ENOX1: variants seen among roughly 807,000 people sequenced by gnomAD.
ENOX1 encodes candidate growth-related and time keeping constitutive hydroquinone (NADH) oxidase.
A neutral mutation model predicts 82.5 loss-of-function variants in ENOX1; 42 were observed. The observed-to-expected ratio is 0.51, with a 90% CI of 0.40 to 0.66. The LOEUF is 0.66. Ranked by LOEUF, ENOX1 falls within the 30% of genes least tolerant of loss-of-function variation. The pLI, the probability that ENOX1 is intolerant of heterozygous loss-of-function variation, is 0.00. For synonymous variants in ENOX1, 271 were observed against 282.2 expected, an observed-to-expected ratio of 0.96 and a Z score of 0.40; for missense variants, 608 against 811.6, an observed-to-expected ratio of 0.75 and a Z score of 3.05.
intron 2 of ENOX1, among the ~76,000 whole-genome samples, chr13:43,496,615 C>T (rs190792239): frequency 3.0e-4 from 45 of 152,230 alleles, no homozygotes; most frequent in Admixed American, 2.6e-3. Context: ...CTCCTAGGCT[C>T]AAGCAGTTCT....
intron 1 of ENOX1, among the ~76,000 whole-genome samples, chr13:43,780,599 TTC>T (rs1952202344): frequency 6.6e-6 from 1 of 152,200 alleles, no homozygotes; most frequent in South Asian, 2.1e-4. Flanking sequence ...TATCCTGTGA[TTC>T]TGTCAGGGTT....
At chr13:43,581,930 T>C (rs1044463378) in intron 2 of ENOX1, among the ~76,000 whole-genome samples, 2 of 152,176 alleles carry the variant, frequency 1.3e-5, no homozygotes, top group Admixed American at 1.3e-4. Context: ...CTAACTAAAA[T>C]GGTAAATCAT....
chr13:43,630,495 T>C (rs1157696044), intron 2 of ENOX1, among the ~76,000 whole-genome samples: 2 of 152,130 alleles, frequency 1.3e-5, no homozygotes, highest in Admixed American at 1.3e-4. Context: ...TTGCCATTAA[T>C]ACACAGTCCC....
chr13:43,746,007 G>A (rs1012061642), intron 1 of ENOX1, among the ~76,000 whole-genome samples: 2 of 152,108 alleles, frequency 1.3e-5, no homozygotes, highest in Admixed American at 1.3e-4. Flanking sequence ...TTAGCAGCAT[G>A]AGAATGGACT....
At chr13:43,467,348 G>C (rs903676781) in intron 3 of ENOX1, among the ~76,000 whole-genome samples, 2 of 152,114 alleles carry the variant, frequency 1.3e-5, no homozygotes, top group African/African-American at 4.8e-5. Context: ...AAAAATGATA[G>C]ACTATAGTAA....
chr13:43,455,794 G>A (rs1430254479), intron 3 of ENOX1, among the ~76,000 whole-genome samples: 4 of 151,892 alleles, frequency 2.6e-5, no homozygotes, highest in East Asian at 1.9e-4. Flanking sequence ...GAGATCTGAC[G>A]GTTTTATAAG....
chr13:43,686,847 C>T (rs969106780), intron 1 of ENOX1, among the ~76,000 whole-genome samples: 1 of 140,352 alleles, frequency 7.1e-6, no homozygotes, highest in African/African-American at 2.7e-5. Context: ...CATGAATTAT[C>T]CTATCTGCCA....
rs1267776787 is a variant in ENOX1 at position 43,213,260 on chromosome 13, T to C, written c.*730A>G. Among the ~76,000 whole-genome samples, 36 of 152,158 alleles carry C rather than the reference T, an allele frequency of 2.4e-4. No individual in the cohort carries two copies. On this transcript the variant is annotated 3_prime_UTR_variant, in exon 17 of 17. Transcript: ENST00000690772. Reference sequence around the variant, plus strand: ...CATACCAAGTACAAGACAATAACACTAGTTTTTCCTTTATTTACACTTTAT... The same window carrying C: ...CATACCAAGTACAAGACAATAACACCAGTTTTTCCTTTATTTACACTTTAT...
At chr13:43,322,727 C>T (rs2047888399) in intron 10 of ENOX1, among the ~76,000 whole-genome samples, 2 of 152,162 alleles carry the variant, frequency 1.3e-5, no homozygotes, top group African/African-American at 4.8e-5. Context: ...GGCTCTTTAG[C>T]AAATAATTTA....
chr13:43,613,888 C>A (rs1328036893), intron 2 of ENOX1, among the ~76,000 whole-genome samples: 1 of 152,028 alleles, frequency 6.6e-6, no homozygotes, highest in Non-Finnish European at 1.5e-5. Flanking sequence ...CCGCCGAGAT[C>A]ATGCCACTGC....
chr13:43,694,567 T>C (rs1270581313), intron 1 of ENOX1, among the ~76,000 whole-genome samples: 1 of 152,186 alleles, frequency 6.6e-6, no homozygotes, highest in African/African-American at 2.4e-5. Flanking sequence ...AGTAAATGAG[T>C]GAGTCGTATG....
At chr13:43,290,207 A>G (rs944107427) in intron 12 of ENOX1, among the ~76,000 whole-genome samples, 1 of 152,230 alleles carries the variant, frequency 6.6e-6, no homozygotes, top group African/African-American at 2.4e-5. Flanking sequence ...CATTCGACCC[A>G]GCAAGGCCAT....
intron 1 of ENOX1, among the ~76,000 whole-genome samples, chr13:43,699,511 A>G (rs917866367): frequency 5.9e-5 from 9 of 152,214 alleles, no homozygotes; most frequent in African/African-American, 1.9e-4. Context: ...GAAAGATAAG[A>G]TATTAAACCA....
chr13:43,538,826 C>A (rs898204155), intron 2 of ENOX1, among the ~76,000 whole-genome samples: 1 of 23,256 alleles, frequency 4.3e-5, no homozygotes, highest in Non-Finnish European at 9.0e-5. Context: ...GCCTTTCCTC[C>A]CCGCCCCTGC....
intron 3 of ENOX1, among the ~76,000 whole-genome samples, chr13:43,478,233 G>C (rs61959518): frequency 6.6e-6 from 1 of 151,732 alleles, no homozygotes; most frequent in Non-Finnish European, 1.5e-5. Flanking sequence ...AACAGACTCC[G>C]TGCATGAGGA....
intron 1 of ENOX1, among the ~76,000 whole-genome samples, chr13:43,753,162 A>G (rs757680211): frequency 6.6e-6 from 1 of 152,070 alleles, no homozygotes; most frequent in Non-Finnish European, 1.5e-5. Context: ...GCCCGGCCTC[A>G]TTGCACTTCT....
chr13:43,414,246 T>C (rs1334256949), intron 3 of ENOX1, among the ~76,000 whole-genome samples: 1 of 152,068 alleles, frequency 6.6e-6, no homozygotes, highest in African/African-American at 2.4e-5. Context: ...AATGAGCAAA[T>C]AGTTTTTATG....
chr13:43,471,227 T>C (rs1232197293), intron 3 of ENOX1, among the ~76,000 whole-genome samples: 8 of 152,038 alleles, frequency 5.3e-5, no homozygotes, highest in Admixed American at 2.6e-4. Context: ...AAAGAGTATA[T>C]AGAGTATGGT....
chr13:43,688,387 G>C (rs543500555), intron 1 of ENOX1, among the ~76,000 whole-genome samples: 1 of 152,284 alleles, frequency 6.6e-6, no homozygotes, highest in African/African-American at 2.4e-5. Flanking sequence ...GGGTTCAAAA[G>C]AATACTAGAC....
Sources: allele counts gnomAD v4.1 joint callset (sites outside exome capture counted in the v4.1 genomes callset), GRCh38; gene constraint gnomAD v4.1.1; transcripts MANE v1.5; gene names NCBI Gene and HGNC (gene_info 2026-07-23, HGNC 2026-07-21).